CYP19A1: variants seen among roughly 807,000 people sequenced by gnomAD.
The protein encoded by CYP19A1 is aromatase.
Under a neutral mutation model 44.4 loss-of-function variants are expected in CYP19A1, and 32 were observed. The ratio of observed to expected loss-of-function variants is 0.72; its 90% CI spans 0.54 to 0.97. CYP19A1 has a LOEUF of 0.97. CYP19A1 is among the 50% of genes least tolerant of loss of function. The pLI is 0.00. For missense variants in CYP19A1, 598 were observed against 637.8 expected (o/e 0.94, Z 0.67); for synonymous variants, 212 against 215.6 (o/e 0.98, Z 0.14).
intron 1 of CYP19A1, among the ~76,000 whole-genome samples, chr15:51,305,707 T>A (rs2036203134): frequency 6.6e-6 from 1 of 152,088 alleles, no homozygotes; most frequent in Non-Finnish European, 1.5e-5. Flanking sequence ...ACTACAGGCA[T>A]GCATCACCAC....
At chr15:51,227,696 AAAT>A (rs2032697927) in intron 4 of CYP19A1, 80 bp downstream of exon 4, 2 of 406,226 alleles carry the variant, frequency 4.9e-6, no homozygotes, top group South Asian at 4.5e-5. Flanking sequence ...ATAAATAAAT[AAAT>A]AAAATATTTT....
intron 1 of CYP19A1, among the ~76,000 whole-genome samples, chr15:51,317,701 A>G (rs947978357): frequency 9.2e-5 from 14 of 152,206 alleles, no homozygotes; most frequent in African/African-American, 3.1e-4. Flanking sequence ...GTGAGGGAAT[A>G]TGATGGAAGG....
At chr15:51,247,748 C>T (rs1284021482) in intron 1 of CYP19A1, among the ~76,000 whole-genome samples, 3 of 152,248 alleles carry the variant, frequency 2.0e-5, no homozygotes, top group East Asian at 3.9e-4. Context: ...ATCATTACCC[C>T]ATCATCCAGC....
chr15:51,234,774 C>G lies in CYP19A1; in HGVS notation c.296+2085G>C, dbSNP rs1410629972. Among the ~76,000 whole-genome samples the G allele has an allele frequency of 3.9e-5, 6 of 152,158 alleles. No individual in the cohort carries two copies. The East Asian group carries it at 1.2e-3, about 29-fold the overall frequency. On this transcript the variant is annotated intron_variant, in intron 3 of 9. Transcript: ENST00000396402. Reference sequence around the variant, plus strand: ...ACTCCCAGGGGAGTATTAAACACCACTGATGCCTGAGTCCTACCCCCAGAG... The same window carrying G: ...ACTCCCAGGGGAGTATTAAACACCAGTGATGCCTGAGTCCTACCCCCAGAG...
chr15:51,297,457 C>T (rs1217322868), intron 1 of CYP19A1, among the ~76,000 whole-genome samples: 2 of 152,162 alleles, frequency 1.3e-5, no homozygotes, highest in African/African-American at 4.8e-5. Context: ...TTGCCTCAAG[C>T]GTTCAATGCC....
At chr15:51,310,005 A>G (rs535283456) in intron 1 of CYP19A1, among the ~76,000 whole-genome samples, 5 of 152,208 alleles carry the variant, frequency 3.3e-5, no homozygotes, top group Non-Finnish European at 5.9e-5. Flanking sequence ...ACTTGGAGCC[A>G]TAGACTCCTG....
At chr15:51,216,054 G>A (rs1450800666) in intron 6 of CYP19A1, 3 of 712,098 alleles carry the variant, frequency 4.2e-6, no homozygotes, top group Non-Finnish European at 6.4e-6. Flanking sequence ...GCGAAATCAA[G>A]CCTGTGACTT....
At chr15:51,331,699 A>T (rs995338221) in intron 1 of CYP19A1, among the ~76,000 whole-genome samples, 1 of 152,152 alleles carries the variant, frequency 6.6e-6, no homozygotes, top group African/African-American at 2.4e-5. Context: ...TATTTTTCAC[A>T]TTTGATTTTT....
chr15:51,222,464 A>G lies in CYP19A1; in HGVS notation c.513T>C (p.His171=), dbSNP rs746533773. The change falls in exon 5 of 10, where the codon CAT becomes CAC. Residue 171 remains histidine (H), a synonymous_variant. Coordinates refer to ENST00000396402, the MANE Select transcript of CYP19A1 (RefSeq NM_000103.4). The part of the protein sequence containing the change: ...VTVCAESLKT[H]LDRLEEVTNE... ...TGGTCACCTCCTCCAACCTGTCCAG[A>G]TGTGTTTTGAGGGATTCAGCACAGA... 38 of 1,613,960 alleles carry G rather than the reference A, an allele frequency of 2.4e-5. No homozygotes were observed. Among genetic ancestry groups the G allele is most frequent in the Non-Finnish European group, 3.1e-5 (37 of 1,179,988 alleles).
rs2141034132 is a variant in CYP19A1, at chr15:51,212,428, G to A, written c.1155C>T (p.Gly385=). The part of the protein sequence containing the change: ...RKALEDDVID[G]YPVKKGTNII... ...TGTTTGTCCCCTTTTTCACTGGGTA[G>A]CCATCGATTACATCATCTTCTAAGG... Residue 385 remains glycine, a synonymous_variant, in exon 9 of 10, where the codon GGC becomes GGT. Transcript: ENST00000396402. 5 of 1,607,032 alleles carry A rather than the reference G, an allele frequency of 3.1e-6. No homozygotes were observed. The highest frequency in any genetic ancestry group is 4.3e-6 in the Non-Finnish European group (5 of 1,173,498).
chr15:51,308,475 G>A (rs1416970787), intron 1 of CYP19A1, among the ~76,000 whole-genome samples: 1 of 152,076 alleles, frequency 6.6e-6, no homozygotes, highest in Non-Finnish European at 1.5e-5. Context: ...TATATCCCAG[G>A]GAGGTATAGG....
At chr15:51,269,847 C>A (rs970961211) in intron 1 of CYP19A1, among the ~76,000 whole-genome samples, 8 of 152,208 alleles carry the variant, frequency 5.3e-5, no homozygotes, top group African/African-American at 1.7e-4. Flanking sequence ...CCAGACTACA[C>A]TGGGGACTGA....
At position 51,273,939 on chromosome 15, in the gene CYP19A1, G is replaced by A. The variant is rs1024539758; in HGVS notation, c.-38-30989C>T. On this transcript the variant is annotated intron_variant, in intron 1 of 9. Coordinates refer to ENST00000396402, the MANE Select transcript of CYP19A1 (RefSeq NM_000103.4). Reference sequence around the variant, plus strand: ...GGAGAATTGCTTGAACCCGAGAGACGGAGGTTGCAGTAAGCCAAGATCATG... The same window carrying A: ...GGAGAATTGCTTGAACCCGAGAGACAGAGGTTGCAGTAAGCCAAGATCATG... 3.3e-5 allele frequency among the ~76,000 whole-genome samples: 5 copies of A among 152,134 alleles called. 1 individual carries two copies. Among genetic ancestry groups the A allele is most frequent in the Admixed American group, 2.0e-4 (3 of 15,282 alleles).
At chr15:51,243,237 T>G (rs2033884697) in intron 1 of CYP19A1, among the ~76,000 whole-genome samples, 1 of 152,190 alleles carries the variant, frequency 6.6e-6, no homozygotes, top group Non-Finnish European at 1.5e-5. Context: ...TAGAGTGACG[T>G]GCATTCCCAA....
intron 1 of CYP19A1, among the ~76,000 whole-genome samples, chr15:51,313,857 C>T (rs561065883): frequency 2.0e-5 from 3 of 152,068 alleles, no homozygotes; most frequent in Non-Finnish European, 2.9e-5. Flanking sequence ...GGCTGGGGTG[C>T]GTGGTCTCAG....
intron 5 of CYP19A1, chr15:51,222,008 G>T: frequency 2.2e-6 from 1 of 458,124 alleles, no homozygotes; most frequent in South Asian, 3.1e-5. Flanking sequence ...AAGAACAACT[G>T]GAAATGGTTA....
intron 1 of CYP19A1, among the ~76,000 whole-genome samples, chr15:51,335,250 C>T (rs1172444165): frequency 6.6e-6 from 1 of 152,170 alleles, no homozygotes; most frequent in Non-Finnish European, 1.5e-5. Context: ...ACCTTCACAA[C>T]CACAGACAGC....
At chr15:51,282,829 A>G (rs2035571522) in intron 1 of CYP19A1, among the ~76,000 whole-genome samples, 1 of 152,256 alleles carries the variant, frequency 6.6e-6, no homozygotes, top group South Asian at 2.1e-4. Context: ...CGGAAGAACC[A>G]GGGTAACAAC....
intron 1 of CYP19A1, among the ~76,000 whole-genome samples, chr15:51,334,049 T>C (rs1253460024): frequency 6.6e-6 from 1 of 152,232 alleles, no homozygotes; most frequent in Non-Finnish European, 1.5e-5. Flanking sequence ...CAGGCTTGGC[T>C]TTCTTTCCTG....
Sources: gnomAD v4.1 joint callset for allele counts (sites outside exome capture counted in the v4.1 genomes callset) on GRCh38, gnomAD v4.1.1 for gene constraint, MANE v1.5 for transcripts, NCBI Gene and HGNC (gene_info 2026-07-23, HGNC 2026-07-21) for gene names.